Variants in CNTNAP5 observed in about 807,000 individuals in gnomAD.
The protein encoded by CNTNAP5 is contactin-associated protein-like 5.
In CNTNAP5, 72 loss-of-function variants were observed where a neutral mutation model predicts 150.2. The observed-to-expected ratio is 0.48, with a 90% CI of 0.40 to 0.58. CNTNAP5 has a LOEUF of 0.58. Among genes scored for constraint, CNTNAP5 ranks in the 20% least tolerant of loss-of-function variants. The pLI is 0.00. For missense variants in CNTNAP5, 1,636 were observed against 1,626.2 expected, an observed-to-expected ratio of 1.01 and a Z score of -0.10; for synonymous variants, 672 against 619.8, an observed-to-expected ratio of 1.08 and a Z score of -1.25.
intron 6 of CNTNAP5, among the ~76,000 whole-genome samples, chr2:124,469,735 C>T (rs184362013): frequency 2.0e-5 from 3 of 152,128 alleles, no homozygotes; most frequent in African/African-American, 4.8e-5. Flanking sequence ...CTCCTCCCAA[C>T]CTTCCACAGG....
intron 10 of CNTNAP5, among the ~76,000 whole-genome samples, chr2:124,529,953 G>A (rs983754707): frequency 6.6e-6 from 1 of 152,076 alleles, no homozygotes; most frequent in African/African-American, 2.4e-5. Flanking sequence ...GCCCCAACCG[G>A]GCATCTTACA....
At chr2:124,691,719 T>C (rs1679304582) in intron 13 of CNTNAP5, among the ~76,000 whole-genome samples, 1 of 152,092 alleles carries the variant, frequency 6.6e-6, no homozygotes, top group Admixed American at 6.6e-5. Flanking sequence ...GGTCCCAGTT[T>C]TCTTCAATTA....
intron 3 of CNTNAP5, among the ~76,000 whole-genome samples, chr2:124,359,506 C>G (rs1440297307): frequency 6.6e-6 from 1 of 151,046 alleles, no homozygotes; most frequent in African/African-American, 2.5e-5. Context: ...TATGTTGTGT[C>G]TTTGTTCTCG....
At chr2:124,875,739 T>C (rs1481764255) in intron 21 of CNTNAP5, among the ~76,000 whole-genome samples, 2 of 149,804 alleles carry the variant, frequency 1.3e-5, no homozygotes, top group Non-Finnish European at 3.0e-5. Flanking sequence ...TGTTAATGTG[T>C]CTGTCAAGGT....
intron 19 of CNTNAP5, among the ~76,000 whole-genome samples, chr2:124,818,942 A>G (rs1007933005): frequency 6.6e-6 from 1 of 152,110 alleles, no homozygotes; most frequent in Admixed American, 6.6e-5. Flanking sequence ...GTTTTACACT[A>G]ACTTTCTCTA....
At chr2:124,903,674 G>A (rs147635970) in intron 22 of CNTNAP5, among the ~76,000 whole-genome samples, 1 of 152,124 alleles carries the variant, frequency 6.6e-6, no homozygotes, top group Admixed American at 6.5e-5. Flanking sequence ...CACATCTGAT[G>A]AGGACACTTA....
chr2:124,042,969 G>A (rs1345438898), intron 1 of CNTNAP5, among the ~76,000 whole-genome samples: 2 of 152,148 alleles, frequency 1.3e-5, no homozygotes, highest in East Asian at 3.9e-4. Flanking sequence ...AGAGCTCAAA[G>A]ATCAGTTAGA....
At chr2:124,533,041 C>T (rs1178229683) in intron 10 of CNTNAP5, among the ~76,000 whole-genome samples, 1 of 151,808 alleles carries the variant, frequency 6.6e-6, no homozygotes, top group African/African-American at 2.4e-5. Flanking sequence ...ATTTGTCCCC[C>T]CTCCCAAATC....
chr2:124,833,099 G>A (rs1259862198), intron 19 of CNTNAP5, among the ~76,000 whole-genome samples: 1 of 151,858 alleles, frequency 6.6e-6, no homozygotes, highest in Non-Finnish European at 1.5e-5. Context: ...TTGTAAAGAT[G>A]AGGTTTTGCC....
At chr2:124,718,897 A>G (rs922805682) in intron 13 of CNTNAP5, among the ~76,000 whole-genome samples, 1 of 150,090 alleles carries the variant, frequency 6.7e-6, no homozygotes, top group Admixed American at 6.6e-5. Context: ...GTGAGCCGGG[A>G]TTATGCCACT....
chr2:124,733,542 A>T (rs1680319058), intron 13 of CNTNAP5, among the ~76,000 whole-genome samples: 1 of 150,534 alleles, frequency 6.6e-6, no homozygotes. Context: ...AACGAACAAG[A>T]TTTTTTTTTT....
intron 22 of CNTNAP5, among the ~76,000 whole-genome samples, chr2:124,910,362 A>G (rs1678630547): frequency 6.6e-6 from 1 of 152,136 alleles, no homozygotes; most frequent in Non-Finnish European, 1.5e-5. Context: ...TTTAGTGAGC[A>G]CTTACGTTGT....
intron 3 of CNTNAP5, among the ~76,000 whole-genome samples, chr2:124,345,699 A>C (rs1414008099): frequency 6.6e-6 from 1 of 152,224 alleles, no homozygotes; most frequent in Admixed American, 6.5e-5. Flanking sequence ...ATTGGAATAG[A>C]GAAGAAGAGA....
At chr2:124,610,865 G>A (rs1429180215) in intron 12 of CNTNAP5, among the ~76,000 whole-genome samples, 1 of 151,194 alleles carries the variant, frequency 6.6e-6, no homozygotes, top group Non-Finnish European at 1.5e-5. Context: ...GCTGAGGCAC[G>A]AGACTCGCTT....
At chr2:124,262,326 C>A (rs986128676) in intron 3 of CNTNAP5, among the ~76,000 whole-genome samples, 2 of 152,054 alleles carry the variant, frequency 1.3e-5, no homozygotes, top group African/African-American at 4.8e-5. Flanking sequence ...TGATATGAAT[C>A]AATTAGTGAA....
chr2:124,294,853 G>A (rs1688381200), intron 3 of CNTNAP5, among the ~76,000 whole-genome samples: 1 of 152,160 alleles, frequency 6.6e-6, no homozygotes, highest in African/African-American at 2.4e-5. Context: ...TAAAACTAGA[G>A]AGGAGATGGC....
chr2:124,459,568 A>G (rs1283962240), intron 6 of CNTNAP5, among the ~76,000 whole-genome samples: 1 of 152,020 alleles, frequency 6.6e-6, no homozygotes, highest in South Asian at 2.1e-4. Context: ...GGCCAACAGC[A>G]TGATGAAACC....
At position 124,025,609 on chromosome 2, in the gene CNTNAP5, G is replaced by A; in HGVS notation, c.-42G>A. Reference sequence around the variant, plus strand: ...AGAAGAAGCCGCGGCTGGCTACTGCGAATTTGGGATTCGATTGGGAGGGAC... The same window carrying A: ...AGAAGAAGCCGCGGCTGGCTACTGCAAATTTGGGATTCGATTGGGAGGGAC... On this transcript the variant is annotated 5_prime_UTR_variant, in exon 1 of 24. Coordinates refer to ENST00000682447, the MANE Select transcript of CNTNAP5 (RefSeq NM_001367498.1). The A allele has an allele frequency of 6.3e-7, 1 of 1,591,712 alleles. No homozygotes were observed. The highest frequency in any genetic ancestry group is 1.1e-5 in the South Asian group (1 of 90,624).
rs528442674 is a variant in CNTNAP5, at chr2:124,779,899, T to G, written c.2752+6882T>G. On this transcript the variant is annotated intron_variant, in intron 17 of 23. Coordinates refer to ENST00000682447, the MANE Select transcript of CNTNAP5 (RefSeq NM_001367498.1). ...ATACGCCTGATTATACTGACCTGAT[T>G]GTTTCATCTCCCCTTTCTAGGAGTT... 3.3e-5 allele frequency among the ~76,000 whole-genome samples: 5 copies of G among 152,266 alleles called. No individual in the cohort carries two copies. In the East Asian group the frequency reaches 9.7e-4, roughly 29 times the overall value.
Sources: allele counts gnomAD v4.1 joint callset (sites outside exome capture counted in the v4.1 genomes callset), GRCh38; gene constraint gnomAD v4.1.1; transcripts MANE v1.5; gene names NCBI Gene and HGNC (gene_info 2026-07-23, HGNC 2026-07-21).